MEGF11: variants seen among roughly 807,000 people sequenced by gnomAD.
The protein encoded by MEGF11 is multiple EGF like domains 11.
In MEGF11, 126 loss-of-function variants were observed where a neutral mutation model predicts 146.6. The observed-to-expected ratio is 0.86, with a 90% CI of 0.74 to 1.00. The LOEUF is 1.00. MEGF11 is among the 50% of genes least tolerant of loss of function. The pLI is 0.00. For synonymous variants in MEGF11, 532 were observed against 583.4 expected (o/e 0.91, Z 1.27); for missense variants, 1,509 against 1,521.2 (o/e 0.99, Z 0.13).
chr15:66,174,573 G>A (rs1419431729), intron 1 of MEGF11, among the ~76,000 whole-genome samples: 2 of 151,786 alleles, frequency 1.3e-5, no homozygotes, highest in African/African-American at 4.8e-5. Context: ...ATTTTTCCAG[G>A]GAGAAGGAGA....
chr15:66,053,701 C>G (rs1293683318), intron 5 of MEGF11, among the ~76,000 whole-genome samples: 1 of 150,456 alleles, frequency 6.6e-6, no homozygotes, highest in Non-Finnish European at 1.5e-5. Flanking sequence ...TCAGCTCCCC[C>G]TCCCCTGGCA....
At chr15:66,168,825 T>A (rs1239793256) in intron 1 of MEGF11, among the ~76,000 whole-genome samples, 1 of 152,106 alleles carries the variant, frequency 6.6e-6, no homozygotes, top group African/African-American at 2.4e-5. Flanking sequence ...TCATCTCTAC[T>A]AAAAATACAA....
chr15:65,904,526 T>TA (rs1223338492), intron 24 of MEGF11, among the ~76,000 whole-genome samples: 4 of 152,216 alleles, frequency 2.6e-5, no homozygotes, highest in African/African-American at 9.6e-5. Context: ...ATGCAGTACT[T>TA]ACCACCATCC....
At chr15:65,951,630 T>A (rs2080403916) in intron 10 of MEGF11, among the ~76,000 whole-genome samples, 1 of 152,136 alleles carries the variant, frequency 6.6e-6, no homozygotes, top group South Asian at 2.1e-4. Context: ...GAGGTTGCAG[T>A]AAGCTGAGAT....
rs536933442 is a variant in MEGF11, at chr15:66,085,613, A to AT, written c.394+8788dup. On this transcript the variant is annotated intron_variant, in intron 5 of 25. Transcript: ENST00000395614. ...ATTTGGCTTACAGGAAGCCACATCC[A>AT]TAGGAAAAGGGGGAGAGTACTACAT... Among the ~76,000 whole-genome samples, 174 of 152,352 alleles carry AT rather than the reference A, an allele frequency of 1.1e-3. 1 individual carries two copies. Among genetic ancestry groups the AT allele is most frequent in the African/African-American group, 4.0e-3 (166 of 41,578 alleles).
intron 1 of MEGF11, among the ~76,000 whole-genome samples, chr15:66,191,468 G>T (rs566757982): frequency 1.1e-4 from 16 of 152,304 alleles, no homozygotes; most frequent in African/African-American, 3.8e-4. Flanking sequence ...TATATTGTCT[G>T]GGGGACCTGG....
At chr15:66,104,606 AT>A (rs1295160721) in intron 4 of MEGF11, among the ~76,000 whole-genome samples, 3 of 152,212 alleles carry the variant, frequency 2.0e-5, no homozygotes, top group Non-Finnish European at 4.4e-5. Context: ...TGGCTTCAAA[AT>A]GAGAAAAACC....
At chr15:66,048,179 C>G (rs1005143021) in intron 5 of MEGF11, among the ~76,000 whole-genome samples, 1 of 152,220 alleles carries the variant, frequency 6.6e-6, no homozygotes, top group Admixed American at 6.5e-5. Context: ...TTCCTGACCC[C>G]AAGTGATCTG....
intron 1 of MEGF11, among the ~76,000 whole-genome samples, chr15:66,178,839 C>A (rs1405787953): frequency 1.3e-5 from 2 of 151,952 alleles, no homozygotes; most frequent in Admixed American, 1.3e-4. Flanking sequence ...AGAAGTGATT[C>A]GGAAAAAAGG....
chr15:66,046,342 C>T (rs1293777038), intron 5 of MEGF11, among the ~76,000 whole-genome samples: 2 of 152,198 alleles, frequency 1.3e-5, no homozygotes, highest in Admixed American at 6.5e-5. Context: ...TCCCACATAG[C>T]CTTTGAGAGT....
intron 23 of MEGF11, 57 bp from the exon 24 acceptor site, chr15:65,906,198 G>A: frequency 2.3e-6 from 3 of 1,309,742 alleles, no homozygotes; most frequent in African/African-American, 1.5e-5. Flanking sequence ...TACTTAGACT[G>A]CTTGTGTTCT....
chr15:66,211,451 GA>G (rs2091448832), intron 1 of MEGF11, among the ~76,000 whole-genome samples: 4 of 152,014 alleles, frequency 2.6e-5, no homozygotes, highest in Middle Eastern at 6.8e-3. Context: ...GTGAACCCGG[GA>G]GGGGGAGCTT....
chr15:66,073,213 G>A (rs1449154168), intron 5 of MEGF11, among the ~76,000 whole-genome samples: 2 of 152,198 alleles, frequency 1.3e-5, no homozygotes, highest in African/African-American at 2.4e-5. Flanking sequence ...GGCCTCTGGT[G>A]TGAGGAATTT....
intron 24 of MEGF11, among the ~76,000 whole-genome samples, chr15:65,899,696 T>C (rs1347816035): frequency 6.6e-6 from 1 of 152,228 alleles, no homozygotes; most frequent in Admixed American, 6.5e-5. Context: ...AGTCTTAAGC[T>C]AGCCTTTGGA....
intron 1 of MEGF11, among the ~76,000 whole-genome samples, chr15:66,176,263 A>C (rs2090386369): frequency 6.6e-6 from 1 of 152,224 alleles, no homozygotes. Context: ...TTCTCAAAAA[A>C]CTAAAAATAG....
intron 1 of MEGF11, among the ~76,000 whole-genome samples, chr15:66,144,367 C>T (rs2089286700): frequency 6.6e-6 from 1 of 152,132 alleles, no homozygotes; most frequent in Non-Finnish European, 1.5e-5. Flanking sequence ...AAGGGGATGA[C>T]CTTGTTCTTT....
At position 66,218,979 on chromosome 15, in the gene MEGF11, CAA is replaced by C. The variant is rs71139474; in HGVS notation, c.-9+34624_-9+34625del. 2.9e-3 allele frequency among the ~76,000 whole-genome samples: 248 copies of C among 86,964 alleles called. 12 individuals carry two copies. The highest frequency in any genetic ancestry group is 0.011 in the African/African-American group (172 of 15,998). The allele number at this position is 86,964 out of a possible 152,430, so 57.1% of individuals were successfully genotyped here. A position where few individuals can be genotyped will look rare whatever the true frequency, so the allele number is the denominator to read the frequency against. ...ATCAGAACAACTGGATATCCACAGG[CAA>C]AAAAAAAAAAAAAAACCTTAACCTA... is the stretch of plus-strand genomic sequence containing the variant. On this transcript the variant is annotated intron_variant, in intron 1 of 25. Coordinates refer to ENST00000395614, the MANE Select transcript of MEGF11 (RefSeq NM_001385028.1).
chr15:66,021,901 C>G (rs1307158438), intron 5 of MEGF11, among the ~76,000 whole-genome samples: 1 of 152,208 alleles, frequency 6.6e-6, no homozygotes, highest in African/African-American at 2.4e-5. Flanking sequence ...AGCAAAATGT[C>G]TCTCCAGAGT....
At chr15:65,917,894 GTTTTGGGCAACAAAGGGAGAAT>G in intron 16 of MEGF11, 50 bp downstream of exon 16, 8 of 1,598,780 alleles carry the variant, frequency 5.0e-6, no homozygotes, top group Non-Finnish European at 6.0e-6. Context: ...GGACAGAGAG[GTTTTGGGCAACAAAGGGAGAAT>G]TTTTGGGCCT....
Sources: allele counts gnomAD v4.1 joint callset (sites outside exome capture counted in the v4.1 genomes callset), GRCh38; gene constraint gnomAD v4.1.1; transcripts MANE v1.5; gene names NCBI Gene and HGNC (gene_info 2026-07-23, HGNC 2026-07-21).